Variants in PXN observed in about 807,000 individuals in gnomAD.
PXN encodes testicular tissue protein Li 134.
PXN carries 61 observed loss-of-function variants against 103.6 expected under a neutral mutation model. That is an observed-to-expected ratio of 0.59 (90% CI 0.48 to 0.73). PXN has a LOEUF of 0.73. PXN is among the 30% of genes least tolerant of loss of function. The probability of loss-of-function intolerance (pLI) is 0.00; values close to 1 mark genes in which losing one functional copy is unlikely to be tolerated. For synonymous variants in PXN, 562 were observed against 607.8 expected (o/e 0.92, Z 1.11); for missense variants, 1,274 against 1,460.3 (o/e 0.87, Z 2.08).
Position 120,215,235 on chromosome 12 carries a change from A to G in PXN, c.2442T>C (p.Pro814=). Reference sequence around the variant, plus strand: ...GGCTCCCGGGCTTCGGGGGCCCCCCAGGGGGTGAGCTGCTCCCTGTCTTCC... The same window carrying G: ...GGCTCCCGGGCTTCGGGGGCCCCCCGGGGGGTGAGCTGCTCCCTGTCTTCC... The part of the protein sequence containing the change: ...AQGKTGSSSP[P]GGPPKPGSQL... Residue 814 remains proline (P), a synonymous_variant, in exon 11 of 15, where the codon CCT becomes CCC. Coordinates refer to ENST00000637617, the MANE Select transcript of PXN (RefSeq NM_001385981.1). The surrounding 1 kb of genome is among the most constrained non-coding windows in gnomAD (Gnocchi z 4.9). The G allele has an allele frequency of 1.3e-6, 2 of 1,590,606 alleles. No homozygotes were observed. The highest frequency in any genetic ancestry group is 1.7e-6 in the Non-Finnish European group (2 of 1,169,108).
chr12:120,249,399 C>T (rs756495061), intron 1 of PXN, among the ~76,000 whole-genome samples: 9 of 151,928 alleles, frequency 5.9e-5, no homozygotes, highest in Admixed American at 1.3e-4. Flanking sequence ...CCCAACAGGC[C>T]ATTAGGAGGG....
intron 1 of PXN, among the ~76,000 whole-genome samples, chr12:120,250,327 CT>C (rs2136619203): frequency 6.6e-6 from 1 of 152,294 alleles, no homozygotes; most frequent in East Asian, 1.9e-4. Context: ...TCAACTACCC[CT>C]AAAGGGGTAC....
chr12:120,237,193 C>G (rs529950720), intron 1 of PXN, among the ~76,000 whole-genome samples: 7 of 150,750 alleles, frequency 4.6e-5, no homozygotes, highest in Non-Finnish European at 2.9e-5. Flanking sequence ...AATCTCACTT[C>G]TATTGCCCAG....
At chr12:120,260,114 G>A (rs767961633) in intron 1 of PXN, among the ~76,000 whole-genome samples, 3 of 152,186 alleles carry the variant, frequency 2.0e-5, no homozygotes, top group South Asian at 2.1e-4. Flanking sequence ...AGAGTAACAG[G>A]TGACTGGAGA....
chr12:120,226,427 C>T (rs1478912038), intron 1 of PXN: 1 of 1,288,824 alleles, frequency 7.8e-7, no homozygotes, highest in Non-Finnish European at 1.0e-6. Flanking sequence ...AGTCACATCC[C>T]ACACTGCCAA....
chr12:120,216,285 G>A lies in PXN; in HGVS notation c.2289C>T (p.Phe763=), dbSNP rs113137750. 4.2e-4 allele frequency: 533 copies of A among 1,277,778 alleles called. 3 individuals carry two copies. The African/African-American group carries it at 7.7e-3, about 18-fold the overall frequency. 79.2% of individuals were successfully genotyped at this position (1,277,778 alleles called of 1,614,324 possible). The change falls in exon 9 of 15, where the codon TTC becomes TTT. Residue 763 remains phenylalanine, a synonymous_variant. Transcript: ENST00000637617. This position sits in a 1 kb window ranked among gnomAD's most constrained non-coding sequence, Gnocchi z 5.1. ...VGCQTDEDPL[F]PPMQIQGLEQ... is the part of the protein sequence containing the mutation. ...CTTTAAGGCCTGCCTGCATCGGGGG[G>A]AAGAGCGGGTCCTCATCAGTCTGGC...
In PXN at chr12:120,213,884, T is replaced by C; in HGVS notation, c.2937A>G (p.Ser979=). The C allele has an allele frequency of 6.8e-6, 11 of 1,611,434 alleles. No homozygotes were observed. The highest frequency in any genetic ancestry group is 1.1e-5 in the South Asian group (1 of 90,394). ...CARAILENYI[S]ALNTLWHPEC... ...CAGGATGCCACAGCGTGTTGAGGGCTGAGATATAGTTCTCCAGGATGGCCC... is the reference window on the plus strand; with the variant it reads ...CAGGATGCCACAGCGTGTTGAGGGCCGAGATATAGTTCTCCAGGATGGCCC... The change falls in exon 14 of 15, where the codon TCA becomes TCG. Residue 979 remains serine (S), a synonymous_variant. Transcript: ENST00000637617. This position sits in a 1 kb window ranked among gnomAD's most constrained non-coding sequence, Gnocchi z 4.2.
rs563742135 is a variant in PXN, at chr12:120,246,145, G to T, written c.13+19472C>A. On this transcript the variant is annotated intron_variant, in intron 1 of 14. Transcript: ENST00000637617. ...CTCACACCTATAATCCCAGCGCATT[G>T]GGAGGCCAAAGCAGGAGGATTGCTT... is the stretch of plus-strand genomic sequence containing the variant. Among the ~76,000 whole-genome samples, 474 of 152,276 alleles carry T rather than the reference G, an allele frequency of 3.1e-3. 1 individual carries two copies. Among genetic ancestry groups the T allele is most frequent in the African/African-American group, 0.011 (457 of 41,558 alleles).
chr12:120,215,991 G>A lies in PXN; in HGVS notation c.2301+282C>T, dbSNP rs1455046568. The A allele has an allele frequency of 7.3e-7, 1 of 1,364,682 alleles. No individual in the cohort carries two copies. Among genetic ancestry groups the A allele is most frequent in the South Asian group, 1.9e-5 (1 of 51,318 alleles). 84.5% of individuals were successfully genotyped at this position (1,364,682 alleles called of 1,614,324 possible). On this transcript the variant is annotated intron_variant, in intron 9 of 14. Transcript: ENST00000637617. This position sits in a 1 kb window ranked among gnomAD's most constrained non-coding sequence, Gnocchi z 4.9. ...GGTTTCTGGTCTCCCTTCTGGAGTGGCTTCTTTCCTCGATGGGAGCCCGGG... is the reference window on the plus strand; with the variant it reads ...GGTTTCTGGTCTCCCTTCTGGAGTGACTTCTTTCCTCGATGGGAGCCCGGG...
At chr12:120,231,525 G>C (rs1258413230) in intron 1 of PXN, among the ~76,000 whole-genome samples, 1 of 152,152 alleles carries the variant, frequency 6.6e-6, no homozygotes, top group African/African-American at 2.4e-5. Flanking sequence ...AGGAAGCCAG[G>C]GGAGAAGGCC....
At chr12:120,237,110 C>G (rs1422918221) in intron 1 of PXN, among the ~76,000 whole-genome samples, 1 of 150,392 alleles carries the variant, frequency 6.6e-6, no homozygotes, top group East Asian at 2.0e-4. Flanking sequence ...TCATTGCTTG[C>G]TTGCTTATGT....
At chr12:120,230,456 C>G (rs1887775446) in intron 1 of PXN, among the ~76,000 whole-genome samples, 1 of 152,174 alleles carries the variant, frequency 6.6e-6, no homozygotes, top group Admixed American at 6.5e-5. Context: ...AAGCTGCGGC[C>G]TCCTTACAGT....
chr12:120,251,860 T>C (rs754984645), intron 1 of PXN, among the ~76,000 whole-genome samples: 1 of 152,002 alleles, frequency 6.6e-6, no homozygotes, highest in Non-Finnish European at 1.5e-5. Context: ...AAGAGAATGA[T>C]ACCAAAAGCC....
chr12:120,216,046 C>A lies in PXN; in HGVS notation c.2301+227G>T. 7.6e-7 allele frequency: 1 copy of A among 1,323,278 alleles called. No homozygotes were observed. The highest frequency in any genetic ancestry group is 9.6e-7 in the Non-Finnish European group (1 of 1,038,196). 82.0% of individuals were successfully genotyped at this position (1,323,278 alleles called of 1,614,324 possible). A position where few individuals can be genotyped will look rare whatever the true frequency, so the allele number is the denominator to read the frequency against. On this transcript the variant is annotated intron_variant, in intron 9 of 14. Coordinates refer to ENST00000637617, the MANE Select transcript of PXN (RefSeq NM_001385981.1). This position sits in a 1 kb window ranked among gnomAD's most constrained non-coding sequence, Gnocchi z 5.1. ...TACTGAGGACCAGTCGAGGAAGGAGCAGACATGGGTGGACCCACAGAAAAG... is the reference window on the plus strand; with the variant it reads ...TACTGAGGACCAGTCGAGGAAGGAGAAGACATGGGTGGACCCACAGAAAAG...
At chr12:120,256,052 G>T (rs984565715) in intron 1 of PXN, among the ~76,000 whole-genome samples, 2 of 151,838 alleles carry the variant, frequency 1.3e-5, no homozygotes, top group African/African-American at 4.8e-5. Context: ...ATTCTGGGCG[G>T]CAGAGCAAGA....
chr12:120,242,990 GA>G (rs1890416018), intron 1 of PXN, among the ~76,000 whole-genome samples: 1 of 152,036 alleles, frequency 6.6e-6, no homozygotes, highest in African/African-American at 2.4e-5. Flanking sequence ...TTCCAATGAA[GA>G]TGCAAAGCCT....
At chr12:120,226,810 G>A in intron 1 of PXN, 1 of 1,023,460 alleles carries the variant, frequency 9.8e-7, no homozygotes, top group Non-Finnish European at 1.2e-6. Context: ...AGGGCCTGTT[G>A]TCTCAGTAAG....
In PXN at chr12:120,212,241, G is replaced by C. The variant is rs1880397500; in HGVS notation, c.*73C>G. ...GTCGGGTTTACCCCTTCACCCCCGG[G>C]TGAAGTCTCTAGGTCACAGTCGCAG... On this transcript the variant is annotated 3_prime_UTR_variant, in exon 15 of 15. Coordinates refer to ENST00000637617, the MANE Select transcript of PXN (RefSeq NM_001385981.1). The surrounding 1 kb of genome is among the most constrained non-coding windows in gnomAD (Gnocchi z 7.2). 6.4e-7 allele frequency: 1 copy of C among 1,555,896 alleles called. No individual in the cohort carries two copies. Among genetic ancestry groups the C allele is most frequent in the Non-Finnish European group, 8.7e-7 (1 of 1,151,786 alleles).
rs1893103681 is a variant in PXN, at chr12:120,256,889, G to A, written c.13+8728C>T. 2.6e-5 allele frequency among the ~76,000 whole-genome samples: 4 copies of A among 152,066 alleles called. 1 individual carries two copies. Among genetic ancestry groups the A allele is most frequent in the African/African-American group, 9.7e-5 (4 of 41,414 alleles). Reference sequence around the variant, plus strand: ...TGCGCCACCACGCCCAGCTAATTTTGTATTTTAGTAGAGATGGGGTTTCTC... The same window carrying A: ...TGCGCCACCACGCCCAGCTAATTTTATATTTTAGTAGAGATGGGGTTTCTC... On this transcript the variant is annotated intron_variant, in intron 1 of 14. Transcript: ENST00000637617.
Sources: gnomAD v4.1 joint callset for allele counts (sites outside exome capture counted in the v4.1 genomes callset) on GRCh38, gnomAD v4.1.1 for gene constraint, Gnocchi (gnomAD v3.1) non-coding constraint, MANE v1.5 for transcripts, NCBI Gene and HGNC (gene_info 2026-07-23, HGNC 2026-07-21) for gene names.